SGCD: variants seen among roughly 807,000 people sequenced by gnomAD.
The protein encoded by SGCD is sarcoglycan delta, also known as delta-sarcoglycan.
In SGCD, 18 loss-of-function variants were observed where a neutral mutation model predicts 36.6. The ratio of observed to expected loss-of-function variants is 0.49; its 90% confidence interval spans 0.34 to 0.73. The LOEUF is 0.73. Ranked by LOEUF, SGCD falls within the 30% of genes least tolerant of loss-of-function variation. The probability of loss-of-function intolerance (pLI) is 0.01; values close to 1 mark genes in which losing one functional copy is unlikely to be tolerated. For synonymous variants in SGCD, 133 were observed against 130.6 expected (o/e 1.02, Z -0.12); for missense variants, 387 against 346.7 (o/e 1.12, Z -0.92).
intron 3 of SGCD, among the ~76,000 whole-genome samples, chr5:156,232,072 A>G (rs1214334720): frequency 6.6e-6 from 1 of 152,220 alleles, no homozygotes; most frequent in Non-Finnish European, 1.5e-5. Flanking sequence ...TAGGCTGAGT[A>G]ATTCAAGTGA....
At chr5:155,906,315 A>G (rs560867430) in intron 1 of SGCD, among the ~76,000 whole-genome samples, 14 of 152,172 alleles carry the variant, frequency 9.2e-5, no homozygotes, top group African/African-American at 3.1e-4. Flanking sequence ...CACTAGGCCA[A>G]TTAATAACCC....
At chr5:156,551,196 C>T (rs1433340739) in intron 4 of SGCD, among the ~76,000 whole-genome samples, 1 of 152,228 alleles carries the variant, frequency 6.6e-6, no homozygotes, top group Non-Finnish European at 1.5e-5. Flanking sequence ...CCACCTGTCT[C>T]ATCCTTCACT....
chr5:156,101,869 C>T (rs546198680), intron 1 of SGCD, among the ~76,000 whole-genome samples: 4 of 144,376 alleles, frequency 2.8e-5, no homozygotes, highest in African/African-American at 5.2e-5. Context: ...TAACTATAAA[C>T]GTATAGGAGA....
intron 1 of SGCD, among the ~76,000 whole-genome samples, chr5:156,071,599 T>C (rs1412629554): frequency 6.6e-6 from 1 of 152,228 alleles, no homozygotes; most frequent in Non-Finnish European, 1.5e-5. Context: ...GAAAAAAATG[T>C]ATATTCTGTT....
chr5:155,784,156 ACTCTGAGAGCCTGGCACCC>A, the SGCD span, among the ~76,000 whole-genome samples: 1 of 152,050 alleles, frequency 6.6e-6, no homozygotes, highest in African/African-American at 2.4e-5. Context: ...AGCCTGGGGT[ACTCTGAGAGCCTGGCACCC>A]CTCTAGGCCT....
At chr5:156,611,756 G>A (rs950834645) in intron 6 of SGCD, among the ~76,000 whole-genome samples, 17 of 152,116 alleles carry the variant, frequency 1.1e-4, no homozygotes, top group Admixed American at 5.9e-4. Context: ...AAATCTTGTT[G>A]GCTATCTTTA....
chr5:155,998,245 C>T (rs553694206), intron 1 of SGCD, among the ~76,000 whole-genome samples: 1 of 152,012 alleles, frequency 6.6e-6, no homozygotes, highest in Non-Finnish European at 1.5e-5. Flanking sequence ...AATAATAGGG[C>T]TTGGCAAATG....
At chr5:156,749,054 T>G (rs2113132348) in intron 7 of SGCD, among the ~76,000 whole-genome samples, 1 of 152,300 alleles carries the variant, frequency 6.6e-6, no homozygotes, top group East Asian at 1.9e-4. Context: ...CGTGAGCCAT[T>G]GAGCCCGGGC....
At chr5:156,223,777 G>C (rs954119993) in intron 3 of SGCD, among the ~76,000 whole-genome samples, 4 of 151,992 alleles carry the variant, frequency 2.6e-5, no homozygotes, top group African/African-American at 9.7e-5. Context: ...CTTTGTGGCT[G>C]ATGTGACAGC....
intron 1 of SGCD, among the ~76,000 whole-genome samples, chr5:155,968,732 G>A (rs529337210): frequency 5.3e-5 from 8 of 152,012 alleles, no homozygotes; most frequent in African/African-American, 9.6e-5. Flanking sequence ...TTCTTCTTAC[G>A]AAACTCCCAT....
intron 3 of SGCD, among the ~76,000 whole-genome samples, chr5:156,150,427 C>T (rs78661549): frequency 0.016 from 2,418 of 151,778 alleles, 42 homozygotes; most frequent in Non-Finnish European, 0.024. Flanking sequence ...TGTTGTACTG[C>T]GATCAGACCT....
At chr5:156,703,974 C>G (rs1754635519) in intron 7 of SGCD, 1 of 152,110 alleles carries the variant, frequency 6.6e-6, no homozygotes, top group Non-Finnish European at 1.5e-5. Context: ...CATATAGACA[C>G]TTATCAGTGA....
chr5:155,777,360 G>GTT, the SGCD span, among the ~76,000 whole-genome samples: 3 of 139,992 alleles, frequency 2.1e-5, no homozygotes, highest in Non-Finnish European at 3.1e-5. Context: ...TAGTTTTTTT[G>GTT]TTTTTTTTTT....
At chr5:155,762,774 C>A in the SGCD span, among the ~76,000 whole-genome samples, 1 of 152,284 alleles carries the variant, frequency 6.6e-6, no homozygotes, top group South Asian at 2.1e-4. Flanking sequence ...CTGAAACTTA[C>A]CTGTGTATCA....
intron 1 of SGCD, among the ~76,000 whole-genome samples, chr5:156,001,663 T>C (rs555311981): frequency 6.6e-6 from 1 of 152,380 alleles, no homozygotes; most frequent in East Asian, 1.9e-4. Flanking sequence ...TATTTTTCTA[T>C]TAGATAAATG....
intron 1 of SGCD, among the ~76,000 whole-genome samples, chr5:156,070,605 G>A (rs191239116): frequency 0.017 from 2,566 of 152,056 alleles, 24 homozygotes; most frequent in Non-Finnish European, 0.027. Flanking sequence ...TTTTGGTTGT[G>A]TCTCTGTCAG....
chr5:156,035,299 A>G (rs1419252285), intron 1 of SGCD, among the ~76,000 whole-genome samples: 2 of 152,106 alleles, frequency 1.3e-5, no homozygotes, highest in Non-Finnish European at 2.9e-5. Flanking sequence ...TTAAAACAGT[A>G]ATTTTGTCTG....
At chr5:156,274,221 A>T (rs1272934100) in intron 3 of SGCD, among the ~76,000 whole-genome samples, 2 of 152,162 alleles carry the variant, frequency 1.3e-5, no homozygotes, top group Non-Finnish European at 2.9e-5. Context: ...AAATCTCAGC[A>T]ATTAAATCAT....
chr5:156,604,646 A>G (rs1761341898), intron 6 of SGCD, among the ~76,000 whole-genome samples: 1 of 150,718 alleles, frequency 6.6e-6, no homozygotes. Context: ...TATTTTTGAT[A>G]TTTTCTTGCC....
Sources: gnomAD v4.1 joint callset for allele counts (sites outside exome capture counted in the v4.1 genomes callset) on GRCh38, gnomAD v4.1.1 for gene constraint, MANE v1.5 for transcripts, NCBI Gene and HGNC (gene_info 2026-07-23, HGNC 2026-07-21) for gene names.